Variants in MAGI1 observed in about 807,000 individuals in gnomAD.
MAGI1 encodes membrane associated guanylate kinase, WW and PDZ domain containing 1.
MAGI1 carries 58 observed loss-of-function variants against 139.9 expected under a neutral mutation model. That is an observed-to-expected ratio of 0.41 (90% CI 0.34 to 0.52). The LOEUF is 0.52. Among genes scored for constraint, MAGI1 ranks in the 20% least tolerant of loss-of-function variants. The probability of loss-of-function intolerance (pLI) is 0.12; values close to 1 mark genes in which losing one functional copy is unlikely to be tolerated. For synonymous variants in MAGI1, 812 were observed against 737.9 expected (o/e 1.10, Z -1.63); for missense variants, 1,874 against 1,901.6 (o/e 0.99, Z 0.27).
chr3:65,804,369 T>G (rs2040707977), intron 1 of MAGI1, among the ~76,000 whole-genome samples: 1 of 151,786 alleles, frequency 6.6e-6, no homozygotes, highest in South Asian at 2.1e-4. Flanking sequence ...AATGTATTTA[T>G]ATCAATAAAT....
At chr3:65,807,417 A>C (rs2040931624) in intron 1 of MAGI1, among the ~76,000 whole-genome samples, 1 of 152,134 alleles carries the variant, frequency 6.6e-6, no homozygotes, top group Non-Finnish European at 1.5e-5. Context: ...TGAGAGCTCC[A>C]CCCTCGTGAC....
intron 12 of MAGI1, among the ~76,000 whole-genome samples, chr3:65,419,282 T>G (rs911661820): frequency 2.6e-4 from 26 of 99,668 alleles, no homozygotes; most frequent in Admixed American, 2.2e-3. Flanking sequence ...ATTTCCCATT[T>G]TATGAAATGT....
At chr3:65,449,408 G>T (rs138822472) in intron 6 of MAGI1, among the ~76,000 whole-genome samples, 1 of 152,124 alleles carries the variant, frequency 6.6e-6, no homozygotes, top group African/African-American at 2.4e-5. Flanking sequence ...GGGAGCATTT[G>T]TTCACTTCTT....
chr3:65,971,579 C>T (rs911986278), intron 1 of MAGI1, among the ~76,000 whole-genome samples: 72 of 152,176 alleles, frequency 4.7e-4, no homozygotes, highest in Admixed American at 4.6e-3. Flanking sequence ...AATCTACATC[C>T]AAGTCAAGCA....
intron 3 of MAGI1, among the ~76,000 whole-genome samples, chr3:65,484,748 C>T (rs1951522496): frequency 6.6e-6 from 1 of 152,108 alleles, no homozygotes; most frequent in African/African-American, 2.4e-5. Flanking sequence ...TCCCTCTGCT[C>T]CTCACCCTGT....
chr3:65,796,209 G>A (rs2040138790), intron 1 of MAGI1, among the ~76,000 whole-genome samples: 1 of 152,090 alleles, frequency 6.6e-6, no homozygotes, highest in African/African-American at 2.4e-5. Flanking sequence ...CTTCCTCCCA[G>A]GAGCTCTATT....
intron 3 of MAGI1, among the ~76,000 whole-genome samples, chr3:65,479,102 G>A (rs1951081459): frequency 6.6e-6 from 1 of 152,094 alleles, no homozygotes; most frequent in Admixed American, 6.6e-5. Flanking sequence ...ATATCAATTG[G>A]TCATCTTTTT....
chr3:65,361,306 T>G lies in MAGI1; in HGVS notation c.3527A>C (p.Glu1176Ala). The G allele has an allele frequency of 1.9e-6, 3 of 1,613,504 alleles. No individual in the cohort carries two copies. Among genetic ancestry groups the G allele is most frequent in the Non-Finnish European group, 2.5e-6 (3 of 1,179,822 alleles). Residue 1176 changes from glutamate to alanine, a missense_variant, in exon 22 of 23, where the codon GAG becomes GCG. Coordinates refer to ENST00000402939, the MANE Select transcript of MAGI1 (RefSeq NM_001033057.2). ...IGDEILEING[E>A]TTKNMKHSRA... ...AGAATGCTTCATGTTTTTGGTGGTC[T>G]CACCATTGATCTCTAAAATTTCATC...
intron 2 of MAGI1, among the ~76,000 whole-genome samples, chr3:65,577,308 T>C (rs2081218912): frequency 6.6e-6 from 1 of 152,080 alleles, no homozygotes; most frequent in African/African-American, 2.4e-5. Context: ...AAAATAAAAA[T>C]AATGCAAAGA....
At position 65,667,808 on chromosome 3, in the gene MAGI1, C is replaced by T. The variant is rs376646121; in HGVS notation, c.314-45720G>A. Among the ~76,000 whole-genome samples, 11 of 152,234 alleles carry T rather than the reference C, an allele frequency of 7.2e-5. No homozygotes were observed. The East Asian group carries it at 1.7e-3, about 24-fold the overall frequency. ...CGAACTCCTGGGCACAAGTAATCCACCCACCTTGGCCTCCCAAAGTGCTGG... is the reference window on the plus strand; with the variant it reads ...CGAACTCCTGGGCACAAGTAATCCATCCACCTTGGCCTCCCAAAGTGCTGG... On this transcript the variant is annotated intron_variant, in intron 1 of 22. Coordinates refer to ENST00000402939, the MANE Select transcript of MAGI1 (RefSeq NM_001033057.2).
intron 2 of MAGI1, among the ~76,000 whole-genome samples, chr3:65,528,607 C>A (rs2078496217): frequency 6.6e-6 from 1 of 152,212 alleles, no homozygotes; most frequent in African/African-American, 2.4e-5. Context: ...CTGTTGTGAT[C>A]ATTTCAATTT....
chr3:65,990,358 G>A (rs185914226), intron 1 of MAGI1, among the ~76,000 whole-genome samples: 16 of 152,274 alleles, frequency 1.1e-4, no homozygotes, highest in Non-Finnish European at 4.4e-5. Context: ...TAAATCAACC[G>A]CTCAGGCTTG....
chr3:65,421,313 A>C (rs1946618060), intron 12 of MAGI1, among the ~76,000 whole-genome samples: 1 of 152,192 alleles, frequency 6.6e-6, no homozygotes, highest in African/African-American at 2.4e-5. Flanking sequence ...GCATGGTGGA[A>C]GTGCTAGAAA....
intron 1 of MAGI1, among the ~76,000 whole-genome samples, chr3:65,827,209 G>A (rs974021647): frequency 6.6e-6 from 1 of 151,766 alleles, no homozygotes; most frequent in African/African-American, 2.4e-5. Flanking sequence ...CCTATATTCT[G>A]TGCTTCTCCC....
chr3:66,031,212 C>T (rs535588961), intron 1 of MAGI1, among the ~76,000 whole-genome samples: 49 of 152,162 alleles, frequency 3.2e-4, no homozygotes, highest in Non-Finnish European at 6.6e-4. Flanking sequence ...AGCCTTTATT[C>T]TCAGTGTATA....
intron 2 of MAGI1, among the ~76,000 whole-genome samples, chr3:65,542,738 T>TA (rs982749557): frequency 1.3e-5 from 2 of 152,054 alleles, no homozygotes; most frequent in African/African-American, 4.8e-5. Flanking sequence ...TCACACGTTA[T>TA]AAAAAAATTA....
intron 12 of MAGI1, chr3:65,402,011 A>C: frequency 2.0e-6 from 1 of 488,920 alleles, no homozygotes; most frequent in Non-Finnish European, 2.7e-6. Flanking sequence ...TGAGCTCAAT[A>C]CCAAAACAAA....
chr3:65,702,115 A>G (rs2089658241), intron 1 of MAGI1, among the ~76,000 whole-genome samples: 2 of 152,294 alleles, frequency 1.3e-5, no homozygotes, highest in South Asian at 4.2e-4. Context: ...GTTTCTGATC[A>G]GTATTCAGTA....
chr3:65,505,461 T>C (rs990550318), intron 2 of MAGI1, among the ~76,000 whole-genome samples: 12 of 150,188 alleles, frequency 8.0e-5, no homozygotes, highest in African/African-American at 2.7e-4. Context: ...CCTATGCAAA[T>C]AGTGAAACCT....
Sources: allele counts gnomAD v4.1 joint callset (sites outside exome capture counted in the v4.1 genomes callset), GRCh38; gene constraint gnomAD v4.1.1; transcripts MANE v1.5; gene names NCBI Gene and HGNC (gene_info 2026-07-23, HGNC 2026-07-21).